ST3GAL3: variants seen among roughly 807,000 people sequenced by gnomAD.
ST3GAL3 encodes the protein ST3 beta-galactoside alpha-2,3-sialyltransferase 3.
In ST3GAL3, 21 loss-of-function variants were observed where a neutral mutation model predicts 50.1. That is an observed-to-expected ratio of 0.42 (90% CI 0.30 to 0.60). The LOEUF is 0.60. ST3GAL3 is among the 20% of genes least tolerant of loss of function. The probability of loss-of-function intolerance (pLI) is 0.19; values close to 1 mark genes in which losing one functional copy is unlikely to be tolerated. For synonymous variants in ST3GAL3, 183 were observed against 190.0 expected (o/e 0.96, Z 0.30); for missense variants, 353 against 489.4 (o/e 0.72, Z 2.63).
In ST3GAL3 at chr1:43,930,444, C is replaced by T; in HGVS notation, c.*223C>T. 1 of 605,784 alleles carries T rather than the reference C, an allele frequency of 1.7e-6. No individual in the cohort carries two copies. The highest frequency in any genetic ancestry group is 3.0e-6 in the Non-Finnish European group (1 of 337,574). 37.5% of individuals were successfully genotyped at this position (605,784 alleles called of 1,614,324 possible). On this transcript the variant is annotated 3_prime_UTR_variant, in exon 12 of 12. Transcript: ENST00000347631. ...TCCTTGATGCCAGAGGGCCAGCAGG[C>T]TCCTGGCTGTGCCCAGCAGGCCCAG...
intron 3 of ST3GAL3, among the ~76,000 whole-genome samples, chr1:43,798,663 C>G (rs566445312): frequency 6.6e-6 from 1 of 152,352 alleles, no homozygotes; most frequent in Admixed American, 6.5e-5. Flanking sequence ...GTCCACTCCT[C>G]TAACCAGTCC....
At position 43,791,816 on chromosome 1, in the gene ST3GAL3, A is replaced by T. The variant is rs2058112662; in HGVS notation, c.119-286A>T. Among the ~76,000 whole-genome samples the T allele has an allele frequency of 2.0e-5, 3 of 152,234 alleles. No homozygotes were observed. In the South Asian group the frequency reaches 6.2e-4, roughly 32 times the overall value. On this transcript the variant is annotated intron_variant, in intron 2 of 11. Coordinates refer to ENST00000347631, the MANE Select transcript of ST3GAL3 (RefSeq NM_006279.5). ...TTCCATTTTCACTAGAAGAAAGAAAAAGAAGTAAATTTGTCCCCTAATCTG... is the reference window on the plus strand; with the variant it reads ...TTCCATTTTCACTAGAAGAAAGAAATAGAAGTAAATTTGTCCCCTAATCTG...
intron 3 of ST3GAL3, among the ~76,000 whole-genome samples, chr1:43,811,260 C>T (rs1423981873): frequency 6.6e-6 from 1 of 152,164 alleles, no homozygotes; most frequent in Non-Finnish European, 1.5e-5. Context: ...CCTCTTCCCT[C>T]CTCTCCCAGC....
chr1:43,766,225 T>C (rs2154127351), intron 2 of ST3GAL3, among the ~76,000 whole-genome samples: 1 of 152,208 alleles, frequency 6.6e-6, no homozygotes, highest in East Asian at 1.9e-4. Flanking sequence ...TGTCAGTCTA[T>C]GAGGATTACT....
chr1:43,922,760 A>G (rs2083259099), intron 11 of ST3GAL3, among the ~76,000 whole-genome samples: 2 of 146,356 alleles, frequency 1.4e-5, no homozygotes, highest in Non-Finnish European at 3.0e-5. Context: ...AGATCATGCC[A>G]CTGCACTCCA....
intron 3 of ST3GAL3, among the ~76,000 whole-genome samples, chr1:43,792,507 A>C (rs2058200379): frequency 1.3e-5 from 2 of 152,224 alleles, no homozygotes; most frequent in African/African-American, 4.8e-5. Flanking sequence ...TGGAGCAGAT[A>C]ACCATCAGGG....
chr1:43,847,514 A>G (rs535769107), intron 5 of ST3GAL3, among the ~76,000 whole-genome samples: 19 of 152,358 alleles, frequency 1.2e-4, no homozygotes, highest in African/African-American at 4.3e-4. Context: ...CATTATGCTA[A>G]ATGAAATGAG....
intron 3 of ST3GAL3, among the ~76,000 whole-genome samples, chr1:43,808,163 G>A (rs1459994650): frequency 6.6e-6 from 1 of 152,070 alleles, no homozygotes; most frequent in African/African-American, 2.4e-5. Flanking sequence ...AATTAGCCAG[G>A]CATAGTGGCG....
At chr1:43,851,335 A>G in intron 5 of ST3GAL3, 2 of 1,537,824 alleles carry the variant, frequency 1.3e-6, no homozygotes, top group Non-Finnish European at 1.8e-6. Context: ...TGATGCACCC[A>G]TGGGTTTCCA....
intron 2 of ST3GAL3, chr1:43,739,422 C>T (rs1679880820): frequency 6.6e-6 from 1 of 152,044 alleles, no homozygotes; most frequent in African/African-American, 2.4e-5. Context: ...TCCACGTTGC[C>T]TAGGCTGGTC....
chr1:43,709,761 C>T (rs943418166), intron 1 of ST3GAL3, among the ~76,000 whole-genome samples: 3 of 151,998 alleles, frequency 2.0e-5, no homozygotes, highest in Non-Finnish European at 4.4e-5. Flanking sequence ...GCAGGAGAAT[C>T]GCTTGAACCC....
At chr1:43,729,074 G>A (rs1431048858) in intron 1 of ST3GAL3, among the ~76,000 whole-genome samples, 1 of 145,554 alleles carries the variant, frequency 6.9e-6, no homozygotes, top group South Asian at 2.2e-4. Context: ...ATTTTTTGTA[G>A]AGACAATTAT....
In ST3GAL3 at chr1:43,801,386, C is replaced by A. The variant is rs148541575; in HGVS notation, c.166+9237C>A. 219 of 456,170 alleles carry A rather than the reference C, an allele frequency of 4.8e-4. 2 individuals carry two copies. Among genetic ancestry groups the A allele is most frequent in the African/African-American group, 3.9e-3 (195 of 50,186 alleles). 28.3% of individuals were successfully genotyped at this position (456,170 alleles called of 1,614,324 possible). On this transcript the variant is annotated intron_variant, in intron 3 of 11. Transcript: ENST00000347631. ...AGTAGCATGTTAGGCTCATCATGTACAACCGTATTCCTTGAAATTCCATTC... is the reference window on the plus strand; with the variant it reads ...AGTAGCATGTTAGGCTCATCATGTAAAACCGTATTCCTTGAAATTCCATTC...
intron 1 of ST3GAL3, among the ~76,000 whole-genome samples, chr1:43,731,775 A>G (rs908966377): frequency 6.7e-6 from 1 of 150,060 alleles, no homozygotes; most frequent in Non-Finnish European, 1.5e-5. Context: ...CTCGTGATCC[A>G]CCCACCTTGG....
At chr1:43,771,731 TG>T (rs1188158875) in intron 2 of ST3GAL3, among the ~76,000 whole-genome samples, 1,833 of 10,578 alleles carry the variant, frequency 0.17, 40 homozygotes, top group African/African-American at 0.37. Context: ...TTAATAAAGT[TG>T]TGTGTGTGTG....
At chr1:43,829,430 T>G (rs2063239559) in intron 4 of ST3GAL3, among the ~76,000 whole-genome samples, 1 of 152,216 alleles carries the variant, frequency 6.6e-6, no homozygotes, top group Admixed American at 6.5e-5. Flanking sequence ...CCTGTCTATA[T>G]CCACTGTTAC....
intron 2 of ST3GAL3, among the ~76,000 whole-genome samples, chr1:43,759,063 G>GCACACACA (rs775153049): frequency 4.2e-4 from 56 of 132,432 alleles, no homozygotes; most frequent in African/African-American, 1.7e-3. Flanking sequence ...ACAAAAGCGC[G>GCACACACA]CGCACACACA....
chr1:43,814,846 A>G (rs2061039759), intron 3 of ST3GAL3, 45 bp from the exon 4 acceptor site: 3 of 1,600,290 alleles, frequency 1.9e-6, no homozygotes, highest in Non-Finnish European at 2.6e-6. Flanking sequence ...TGCTAGTATC[A>G]TCAGTGACTT....
At chr1:43,827,522 G>A (rs2062972024) in intron 4 of ST3GAL3, among the ~76,000 whole-genome samples, 1 of 151,676 alleles carries the variant, frequency 6.6e-6, no homozygotes, top group Non-Finnish European at 1.5e-5. Context: ...GGGTTTTGGG[G>A]TTTTTTTTGA....
Sources: allele counts gnomAD v4.1 joint callset (sites outside exome capture counted in the v4.1 genomes callset), GRCh38; gene constraint gnomAD v4.1.1; transcripts MANE v1.5; gene names NCBI Gene and HGNC (gene_info 2026-07-23, HGNC 2026-07-21).